Variants in BCAS3 observed in about 807,000 individuals in gnomAD.
BCAS3 encodes the protein BCAS3 microtubule associated cell migration factor, also known as BCAS4/BCAS3 fusion.
A neutral mutation model predicts 116.1 loss-of-function variants in BCAS3; 53 were observed. The ratio of observed to expected loss-of-function variants is 0.46; its 90% CI spans 0.37 to 0.57. The LOEUF is 0.57. Ranked by LOEUF, BCAS3 falls within the 20% of genes least tolerant of loss-of-function variation. The pLI is 0.00. For synonymous variants in BCAS3, 391 were observed against 408.2 expected, an observed-to-expected ratio of 0.96 and a Z score of 0.51; for missense variants, 917 against 1,165.4, an observed-to-expected ratio of 0.79 and a Z score of 3.10.
At chr17:61,230,040 G>A (rs1487426693) in intron 22 of BCAS3, among the ~76,000 whole-genome samples, 1 of 152,086 alleles carries the variant, frequency 6.6e-6, no homozygotes, top group African/African-American at 2.4e-5. Flanking sequence ...CAGGAGAATT[G>A]GTTGAACCCA....
In BCAS3 at chr17:61,162,864, A is replaced by C. The variant is rs2078245601; in HGVS notation, c.2425+78300A>C. Among the ~76,000 whole-genome samples the C allele has an allele frequency of 6.6e-6, 1 of 152,232 alleles. No homozygotes were observed. The highest frequency in any genetic ancestry group is 2.1e-4 in the South Asian group (1 of 4,826). On this transcript the variant is annotated intron_variant, in intron 22 of 23. Transcript: ENST00000407086. The surrounding 1 kb of genome is among the most constrained non-coding windows in gnomAD (Gnocchi z 5.6). ...CCTTTTGTTGTTATTTGGGACACTC[A>C]AGAGGACCAACATGACGTTAGAGCT...
chr17:60,711,919 T>A (rs2037972420), intron 5 of BCAS3, among the ~76,000 whole-genome samples: 1 of 151,926 alleles, frequency 6.6e-6, no homozygotes, highest in African/African-American at 2.4e-5. Context: ...CCCAGTACTT[T>A]GGGAGGCCAA....
At chr17:60,696,280 TGTGTGAG>T (rs2143901280) in intron 4 of BCAS3, 1 of 152,336 alleles carries the variant, frequency 6.6e-6, no homozygotes, top group Admixed American at 6.5e-5. Flanking sequence ...GAGTAGAAAG[TGTGTGAG>T]GTACACAAAG....
chr17:60,717,697 T>G (rs2144068187), intron 5 of BCAS3, among the ~76,000 whole-genome samples: 1 of 152,284 alleles, frequency 6.6e-6, no homozygotes, highest in South Asian at 2.1e-4. Context: ...GTGAAATTAC[T>G]TATACCCGCC....
intron 7 of BCAS3, among the ~76,000 whole-genome samples, chr17:60,824,780 G>T (rs1015604229): frequency 2.6e-5 from 4 of 152,192 alleles, no homozygotes; most frequent in Non-Finnish European, 5.9e-5. Context: ...ATTTAGGGGT[G>T]ATTTCATTTG....
intron 17 of BCAS3, among the ~76,000 whole-genome samples, chr17:61,036,943 C>G (rs571653165): frequency 3.9e-5 from 6 of 152,206 alleles, no homozygotes; most frequent in Non-Finnish European, 7.4e-5. Context: ...AGGTTCACAG[C>G]CAAATGAGCA....
intron 14 of BCAS3, among the ~76,000 whole-genome samples, chr17:60,978,719 A>T (rs1341893888): frequency 8.6e-5 from 13 of 151,978 alleles, no homozygotes; most frequent in Admixed American, 3.3e-4. Flanking sequence ...CTTTCTACAT[A>T]TGGCTAGCCA....
intron 5 of BCAS3, among the ~76,000 whole-genome samples, chr17:60,719,178 G>T (rs928235585): frequency 6.6e-6 from 1 of 152,222 alleles, no homozygotes; most frequent in South Asian, 2.1e-4. Flanking sequence ...GCAGATTTGG[G>T]TGGAAAGGTA....
intron 5 of BCAS3, among the ~76,000 whole-genome samples, chr17:60,725,011 C>T (rs1449707083): frequency 6.6e-6 from 1 of 152,072 alleles, no homozygotes; most frequent in Non-Finnish European, 1.5e-5. Context: ...GCCACCATGC[C>T]CAGCTACTTA....
intron 12 of BCAS3, among the ~76,000 whole-genome samples, chr17:60,911,953 T>A (rs2058538283): frequency 6.6e-6 from 1 of 152,192 alleles, no homozygotes; most frequent in Non-Finnish European, 1.5e-5. Flanking sequence ...GATACAGTGT[T>A]CTGTAATTTT....
rs1462108548 is a variant in BCAS3, at chr17:61,256,343, G to A, written c.2426-111984G>A. Among the ~76,000 whole-genome samples, 2 of 151,734 alleles carry A rather than the reference G, an allele frequency of 1.3e-5. No individual in the cohort carries two copies. The highest frequency in any genetic ancestry group is 6.6e-5 in the Admixed American group (1 of 15,190). ...TTTTGAGGCAGAGTTTCACTCTCTC[G>A]CCCAGGCTGGAGTGCAGCGGTGTGA... On this transcript the variant is annotated intron_variant, in intron 22 of 23. Coordinates refer to ENST00000407086, the MANE Select transcript of BCAS3 (RefSeq NM_017679.5). This position sits in a 1 kb window ranked among gnomAD's most constrained non-coding sequence, Gnocchi z 5.6.
rs7214149 is a variant in BCAS3, at chr17:61,381,834, A to G, written c.2594-10143A>G. 0.88 allele frequency among the ~76,000 whole-genome samples: 134,522 copies of G among 152,074 alleles called. 60,009 individuals carry two copies. The highest frequency in any genetic ancestry group is 0.94 in the Non-Finnish European group (63,906 of 68,016). On this transcript the variant is annotated intron_variant, in intron 23 of 23. Coordinates refer to ENST00000407086, the MANE Select transcript of BCAS3 (RefSeq NM_017679.5). The surrounding 1 kb of genome is among the most constrained non-coding windows in gnomAD (Gnocchi z 6.0). ...TGAGCAGCATGTGGGACTCTAACAC[A>G]GGAGCTGGCCAGGAGTCTTAAAGGG... is the stretch of plus-strand genomic sequence containing the variant.
chr17:60,969,246 C>G (rs2061826691), intron 14 of BCAS3, among the ~76,000 whole-genome samples: 1 of 152,120 alleles, frequency 6.6e-6, no homozygotes, highest in African/African-American at 2.4e-5. Flanking sequence ...CGTTTTGGAA[C>G]TGGAAGTCTC....
intron 22 of BCAS3, among the ~76,000 whole-genome samples, chr17:61,358,760 T>C (rs2058292384): frequency 1.3e-5 from 2 of 152,078 alleles, no homozygotes; most frequent in South Asian, 4.1e-4. Context: ...CCTCCCAAAG[T>C]GCTGGGATTA....
chr17:61,199,595 T>C lies in BCAS3; in HGVS notation c.2425+115031T>C, dbSNP rs1270646436. Among the ~76,000 whole-genome samples, 1 of 152,238 alleles carries C rather than the reference T, an allele frequency of 6.6e-6. No homozygotes were observed. The highest frequency in any genetic ancestry group is 1.5e-5 in the Non-Finnish European group (1 of 68,048). On this transcript the variant is annotated intron_variant, in intron 22 of 23. Coordinates refer to ENST00000407086, the MANE Select transcript of BCAS3 (RefSeq NM_017679.5). This position sits in a 1 kb window ranked among gnomAD's most constrained non-coding sequence, Gnocchi z 4.6. Reference sequence around the variant, plus strand: ...GTTAGAACTGGGATAATAACTGTGATGAACAAGTTATTCAAGAAATACTTG... The same window carrying C: ...GTTAGAACTGGGATAATAACTGTGACGAACAAGTTATTCAAGAAATACTTG...
At chr17:60,958,873 A>T (rs1283616774) in intron 14 of BCAS3, among the ~76,000 whole-genome samples, 1 of 152,240 alleles carries the variant, frequency 6.6e-6, no homozygotes, top group Non-Finnish European at 1.5e-5. Flanking sequence ...AGGTGCAAAG[A>T]TACAAAGTGG....
In BCAS3 at chr17:61,095,536, C is replaced by T. The variant is rs913649514; in HGVS notation, c.2425+10972C>T. 2.2e-4 allele frequency among the ~76,000 whole-genome samples: 33 copies of T among 151,986 alleles called. No homozygotes were observed. The highest frequency in any genetic ancestry group is 1.9e-3 in the Admixed American group (29 of 15,250). The stretch of plus-strand genomic sequence containing the variant: ...AGGTTGGAGTGTGGTGGTGCAATCT[C>T]GGTTCATTGCAACCTCTGCCTCCAG... On this transcript the variant is annotated intron_variant, in intron 22 of 23. Transcript: ENST00000407086. The surrounding 1 kb of genome is among the most constrained non-coding windows in gnomAD (Gnocchi z 4.7).
chr17:61,342,059 G>C (rs780356318), intron 22 of BCAS3, among the ~76,000 whole-genome samples: 2 of 152,214 alleles, frequency 1.3e-5, no homozygotes, highest in Non-Finnish European at 2.9e-5. Flanking sequence ...CTGGAGTACA[G>C]TGGTGTGATC....
At chr17:61,148,966 A>G (rs1326292244) in intron 22 of BCAS3, among the ~76,000 whole-genome samples, 2 of 152,244 alleles carry the variant, frequency 1.3e-5, no homozygotes, top group African/African-American at 4.8e-5. Context: ...CATGAAGATA[A>G]TGATAACTGC....
Sources: gnomAD v4.1 joint callset for allele counts (sites outside exome capture counted in the v4.1 genomes callset) on GRCh38, gnomAD v4.1.1 for gene constraint, Gnocchi (gnomAD v3.1) non-coding constraint, MANE v1.5 for transcripts, NCBI Gene and HGNC (gene_info 2026-07-23, HGNC 2026-07-21) for gene names.